The following FHIT variants were observed in gnomAD, a reference collection of about 807,000 sequenced individuals.
FHIT encodes the protein fragile histidine triad diadenosine triphosphatase, also known as bis(5'-adenosyl)-triphosphatase.
Under a neutral mutation model 17.9 loss-of-function variants are expected in FHIT, and 19 were observed. That is an observed-to-expected ratio of 1.06 (90% CI 0.74 to 1.56). The LOEUF is 1.56. FHIT is among the 40% of genes most tolerant of loss of function. The pLI is 0.00. For synonymous variants in FHIT, 81 were observed against 69.7 expected (o/e 1.16, Z -0.81); for missense variants, 248 against 189.2 (o/e 1.31, Z -1.82).
Position 59,953,235 on chromosome 3 carries a change from T to C in FHIT, c.280-30821A>G, listed in dbSNP as rs965454123. Reference sequence around the variant, plus strand: ...CTGTCTCTACGTGTGTACCTCTTTCTTGGTTTCTCTGTGGCTGTCTCTCTG... The same window carrying C: ...CTGTCTCTACGTGTGTACCTCTTTCCTGGTTTCTCTGTGGCTGTCTCTCTG... On this transcript the variant is annotated intron_variant, in intron 7 of 9. Transcript: ENST00000492590. 7.2e-5 allele frequency among the ~76,000 whole-genome samples: 11 copies of C among 152,178 alleles called. No individual in the cohort carries two copies. In the East Asian group the frequency reaches 1.6e-3, roughly 22 times the overall value.
At chr3:60,243,806 TG>T (rs1162855833) in intron 5 of FHIT, among the ~76,000 whole-genome samples, 3 of 152,238 alleles carry the variant, frequency 2.0e-5, no homozygotes, top group African/African-American at 7.2e-5. Context: ...TTAACTTTTT[TG>T]TTTTTTAAAG....
chr3:60,626,137 A>G (rs192015881), intron 4 of FHIT, among the ~76,000 whole-genome samples: 1 of 152,092 alleles, frequency 6.6e-6, no homozygotes, highest in Non-Finnish European at 1.5e-5. Context: ...TAGAGTTGTC[A>G]TGAGTTCCGA....
intron 2 of FHIT, among the ~76,000 whole-genome samples, chr3:61,129,237 A>G (rs2036697374): frequency 6.6e-6 from 1 of 152,256 alleles, no homozygotes; most frequent in Non-Finnish European, 1.5e-5. Context: ...ACACAAACAC[A>G]GAGACATTCA....
chr3:60,324,413 T>G (rs978686287), intron 5 of FHIT, among the ~76,000 whole-genome samples: 2 of 151,880 alleles, frequency 1.3e-5, no homozygotes, highest in Admixed American at 6.6e-5. Context: ...TGAAACCCTG[T>G]CTCTACTAAA....
At chr3:59,844,706 G>C (rs536136781) in intron 8 of FHIT, among the ~76,000 whole-genome samples, 21 of 152,016 alleles carry the variant, frequency 1.4e-4, no homozygotes, top group African/African-American at 4.1e-4. Context: ...TTAATATACC[G>C]GTGAGTTTGG....
intron 5 of FHIT, among the ~76,000 whole-genome samples, chr3:60,098,135 T>A (rs1188721415): frequency 4.2e-5 from 6 of 142,580 alleles, no homozygotes; most frequent in Non-Finnish European, 9.2e-5. Flanking sequence ...TTTGGGTTGG[T>A]TCCAAGTCTT....
chr3:60,438,783 T>C (rs1175791942), intron 5 of FHIT, among the ~76,000 whole-genome samples: 2 of 152,098 alleles, frequency 1.3e-5, no homozygotes, highest in Non-Finnish European at 2.9e-5. Flanking sequence ...ATCAAACCTC[T>C]GCAATTCCTT....
At chr3:59,966,765 G>GGGGTGACT (rs1182613775) in intron 7 of FHIT, among the ~76,000 whole-genome samples, 1 of 152,136 alleles carries the variant, frequency 6.6e-6, no homozygotes, top group East Asian at 1.9e-4. Flanking sequence ...CAGTGAGTAA[G>GGGGTGACT]GGGTGACTGA....
At chr3:60,616,003 G>C (rs1576977349) in intron 4 of FHIT, among the ~76,000 whole-genome samples, 3 of 152,200 alleles carry the variant, frequency 2.0e-5, no homozygotes, top group Admixed American at 2.0e-4. Flanking sequence ...AGATGTCCCT[G>C]CTTTCCTTAT....
chr3:60,189,970 T>C (rs1343287184), intron 5 of FHIT, among the ~76,000 whole-genome samples: 1 of 152,208 alleles, frequency 6.6e-6, no homozygotes, highest in Non-Finnish European at 1.5e-5. Flanking sequence ...AAGGATGCTC[T>C]TTCCCTTAGG....
intron 5 of FHIT, among the ~76,000 whole-genome samples, chr3:60,492,158 C>T (rs2034093510): frequency 6.6e-6 from 1 of 152,150 alleles, no homozygotes; most frequent in Admixed American, 6.5e-5. Context: ...GTGTTCAAGT[C>T]TACTTTTCCC....
chr3:61,211,747 A>T (rs2039483226), intron 1 of FHIT, among the ~76,000 whole-genome samples: 2 of 152,196 alleles, frequency 1.3e-5, no homozygotes, highest in South Asian at 4.1e-4. Flanking sequence ...CCTAACTGGG[A>T]GGCACCCCCA....
intron 3 of FHIT, among the ~76,000 whole-genome samples, chr3:61,024,024 A>T (rs570854245): frequency 6.6e-6 from 1 of 152,190 alleles, no homozygotes; most frequent in Non-Finnish European, 1.5e-5. Flanking sequence ...TATTCATACT[A>T]TTTTCATGTT....
intron 5 of FHIT, among the ~76,000 whole-genome samples, chr3:60,117,426 G>T (rs892366223): frequency 2.9e-5 from 4 of 140,292 alleles, no homozygotes; most frequent in African/African-American, 1.1e-4. Context: ...CAGCTTCAGT[G>T]ATTAGCATTC....
At chr3:61,115,738 T>C (rs2036282182) in intron 2 of FHIT, among the ~76,000 whole-genome samples, 1 of 152,110 alleles carries the variant, frequency 6.6e-6, no homozygotes, top group South Asian at 2.1e-4. Flanking sequence ...ATGTATACAG[T>C]TGTGCATAAG....
intron 2 of FHIT, among the ~76,000 whole-genome samples, chr3:61,093,721 T>A (rs1027003400): frequency 2.0e-5 from 3 of 152,166 alleles, no homozygotes; most frequent in African/African-American, 4.8e-5. Context: ...ATATGTAACA[T>A]CACCTACCTC....
intron 5 of FHIT, among the ~76,000 whole-genome samples, chr3:60,505,659 A>G (rs971413012): frequency 1.3e-5 from 2 of 152,150 alleles, no homozygotes; most frequent in South Asian, 2.1e-4. Flanking sequence ...TTGGGAATAC[A>G]TATTATTTGG....
chr3:59,980,193 C>A (rs942677674), intron 7 of FHIT, among the ~76,000 whole-genome samples: 1 of 152,162 alleles, frequency 6.6e-6, no homozygotes, highest in African/African-American at 2.4e-5. Context: ...ACCTTTCCAG[C>A]TCTTCATGAT....
At chr3:59,833,300 G>C (rs1326373222) in intron 8 of FHIT, among the ~76,000 whole-genome samples, 2 of 152,134 alleles carry the variant, frequency 1.3e-5, no homozygotes, top group Admixed American at 6.5e-5. Flanking sequence ...TACTGAAATA[G>C]GGTGGGCTCC....
Sources: gnomAD v4.1 joint callset for allele counts (sites outside exome capture counted in the v4.1 genomes callset) on GRCh38, gnomAD v4.1.1 for gene constraint, MANE v1.5 for transcripts, NCBI Gene and HGNC (gene_info 2026-07-23, HGNC 2026-07-21) for gene names.